WDR59: variants seen among roughly 807,000 people sequenced by gnomAD.
The protein encoded by WDR59 is WD repeat domain 59, also known as GATOR2 complex protein WDR59.
In WDR59, 100 loss-of-function variants were observed where a neutral mutation model predicts 131.2. The ratio of observed to expected loss-of-function variants is 0.76; its 90% CI spans 0.65 to 0.90. The LOEUF (loss-of-function observed/expected upper bound fraction) is 0.90, where lower values mean the gene tolerates loss of function less well. WDR59 is among the 40% of genes least tolerant of loss of function. The pLI is 0.00. For synonymous variants in WDR59, 601 were observed against 466.2 expected (o/e 1.29, Z -3.72); for missense variants, 1,203 against 1,262.2 (o/e 0.95, Z 0.71).
intron 2 of WDR59, among the ~76,000 whole-genome samples, chr16:74,963,516 G>A (rs145534590): frequency 1.1e-3 from 172 of 151,882 alleles, no homozygotes; most frequent in African/African-American, 4.0e-3. Context: ...ACATGTTCTC[G>A]CTTATAAGTG....
chr16:74,920,157 G>C (rs1681537745), intron 10 of WDR59, among the ~76,000 whole-genome samples: 3 of 151,868 alleles, frequency 2.0e-5, no homozygotes, highest in South Asian at 4.2e-4. Flanking sequence ...GTAAAATACA[G>C]ATGGTTCCCA....
chr16:74,973,149 G>A (rs1276548945), intron 1 of WDR59, among the ~76,000 whole-genome samples: 2 of 152,068 alleles, frequency 1.3e-5, no homozygotes, highest in Non-Finnish European at 2.9e-5. Flanking sequence ...ACTAAGGCAG[G>A]AGAATCGCTT....
chr16:74,912,148 T>C (rs1415099534), intron 14 of WDR59, 50 bp downstream of exon 14: 1 of 1,612,326 alleles, frequency 6.2e-7, no homozygotes, highest in Non-Finnish European at 8.5e-7. Flanking sequence ...CTAATCCATC[T>C]AGACAATGAT....
At chr16:74,921,510 T>G (rs973994131) in intron 10 of WDR59, among the ~76,000 whole-genome samples, 2 of 152,160 alleles carry the variant, frequency 1.3e-5, no homozygotes, top group African/African-American at 4.8e-5. Context: ...TTTTTTTTCT[T>G]TTTTGAGACA....
Position 74,921,486 on chromosome 16 carries a change from C to T in WDR59, c.886+461G>A, listed in dbSNP as rs116415847. ...CCCCACTGGACTGAGGAAATCACATCATCTGTTTTCTTTTTTTTTTTCTTT... is the reference window on the plus strand; with the variant it reads ...CCCCACTGGACTGAGGAAATCACATTATCTGTTTTCTTTTTTTTTTTCTTT... On this transcript the variant is annotated intron_variant, in intron 10 of 25. Coordinates refer to ENST00000262144, the MANE Select transcript of WDR59 (RefSeq NM_030581.4). 7.0e-3 allele frequency among the ~76,000 whole-genome samples: 1,061 copies of T among 152,172 alleles called. 19 individuals carry two copies. Among genetic ancestry groups the T allele is most frequent in the African/African-American group, 0.025 (1,017 of 41,486 alleles).
At chr16:74,974,971 G>A (rs1314549639) in intron 1 of WDR59, among the ~76,000 whole-genome samples, 3 of 152,162 alleles carry the variant, frequency 2.0e-5, no homozygotes, top group African/African-American at 7.2e-5. Flanking sequence ...TGTAATGACT[G>A]CAAATATGAC....
intron 18 of WDR59, chr16:74,899,567 A>T: frequency 3.1e-6 from 2 of 640,806 alleles, no homozygotes; most frequent in Non-Finnish European, 2.3e-6. Flanking sequence ...CAAAAAATTG[A>T]CTGTTGCTGG....
At chr16:74,977,186 T>C (rs1180216374) in intron 1 of WDR59, among the ~76,000 whole-genome samples, 2 of 151,660 alleles carry the variant, frequency 1.3e-5, no homozygotes, top group African/African-American at 4.8e-5. Context: ...CAGTGCACCA[T>C]GATCGTGACT....
At chr16:74,883,947 C>T (rs1044545924) in intron 25 of WDR59, among the ~76,000 whole-genome samples, 10 of 152,218 alleles carry the variant, frequency 6.6e-5, no homozygotes, top group Non-Finnish European at 1.5e-4. Flanking sequence ...ACATCACTGA[C>T]TATCCCAACC....
At chr16:74,919,314 T>C (rs957637458) in intron 10 of WDR59, among the ~76,000 whole-genome samples, 7 of 151,870 alleles carry the variant, frequency 4.6e-5, no homozygotes, top group Admixed American at 3.9e-4. Flanking sequence ...AATTTGCTCT[T>C]GGAACACCTT....
At chr16:74,889,550 C>T in intron 21 of WDR59, 153 bp downstream of exon 21, 2 of 620,270 alleles carry the variant, frequency 3.2e-6, no homozygotes, top group Non-Finnish European at 5.7e-6. Context: ...TTGTTCTGCA[C>T]AGAAATTATT....
rs547330227 is a variant in WDR59 at position 74,885,998 on chromosome 16, G to T, written c.2547-203C>A. ...TTGAGACCAGCCTGGCCAACATGGT[G>T]AAACCCTGTCTGTACTAAAAATACA... On this transcript the variant is annotated intron_variant, in intron 24 of 25. Coordinates refer to ENST00000262144, the MANE Select transcript of WDR59 (RefSeq NM_030581.4). 93 of 686,134 alleles carry T rather than the reference G, an allele frequency of 1.4e-4. No individual in the cohort carries two copies. In the African/African-American group the frequency reaches 1.6e-3, roughly 12 times the overall value. The allele number at this position is 686,134 out of a possible 1,614,324, so 42.5% of individuals were successfully genotyped here.
At position 74,962,397 on chromosome 16, in the gene WDR59, T is replaced by C. The variant is rs150168603; in HGVS notation, c.104+3376A>G. On this transcript the variant is annotated intron_variant, in intron 2 of 25. Transcript: ENST00000262144. Reference sequence around the variant, plus strand: ...GGGAGGTATGGCCATTTTCACGATATTGATTCTTCCTATCCATGAGCATGG... The same window carrying C: ...GGGAGGTATGGCCATTTTCACGATACTGATTCTTCCTATCCATGAGCATGG... Among the ~76,000 whole-genome samples, 1,336 of 152,286 alleles carry C rather than the reference T, an allele frequency of 8.8e-3. 11 individuals are homozygous for C. Among genetic ancestry groups the C allele is most frequent in the Non-Finnish European group, 0.012 (826 of 67,994 alleles).
intron 18 of WDR59, among the ~76,000 whole-genome samples, chr16:74,897,598 A>T (rs1056118034): frequency 6.6e-6 from 1 of 152,186 alleles, no homozygotes; most frequent in Non-Finnish European, 1.5e-5. Context: ...TATTGGATGG[A>T]TAAGAGGTGC....
chr16:74,970,433 T>C (rs1187226204), intron 1 of WDR59, among the ~76,000 whole-genome samples: 1 of 144,208 alleles, frequency 6.9e-6, no homozygotes, highest in Non-Finnish European at 1.5e-5. Flanking sequence ...GAGGCGGAGC[T>C]TGCAGTGAGC....
intron 2 of WDR59, among the ~76,000 whole-genome samples, chr16:74,961,857 C>A (rs987376865): frequency 2.0e-5 from 3 of 152,168 alleles, no homozygotes; most frequent in Non-Finnish European, 4.4e-5. Flanking sequence ...GTCATAAAAT[C>A]TTTGCCCATG....
intron 10 of WDR59, among the ~76,000 whole-genome samples, chr16:74,918,654 A>G (rs2144983756): frequency 6.6e-6 from 1 of 152,338 alleles, no homozygotes; most frequent in South Asian, 2.1e-4. Flanking sequence ...GTGCTTTATG[A>G]AATAACTTCA....
intron 17 of WDR59, among the ~76,000 whole-genome samples, chr16:74,907,123 T>G (rs1481449544): frequency 7.1e-6 from 1 of 141,602 alleles, no homozygotes; most frequent in Non-Finnish European, 1.6e-5. Context: ...CCAGTTCCCA[T>G]GGGGCCCAGG....
Position 74,956,561 on chromosome 16 carries a change from G to A in WDR59, c.154C>T (p.Arg52Ter), listed in dbSNP as rs201112694. The stretch of plus-strand genomic sequence containing the variant: ...CATTTGCTCTGGCGAGAGATCTTTC[G>A]GTGACCTTCGAAAGGGGCATCTAGA... ...VNLDAPFEGHRKISRQSKWDI... is the reference protein window; with the variant it reads ...VNLDAPFEGH Residue 52 changes from arginine to a stop codon, truncating the protein, a stop_gained, in exon 3 of 26, where the codon CGA becomes TGA. Transcript: ENST00000262144. LOFTEE classifies it high-confidence loss of function. 6 of 1,614,010 alleles carry A rather than the reference G, an allele frequency of 3.7e-6. No homozygotes were observed. The highest frequency in any genetic ancestry group is 3.3e-5 in the Admixed American group (2 of 59,966).
Sources: allele counts gnomAD v4.1 joint callset (sites outside exome capture counted in the v4.1 genomes callset), GRCh38; gene constraint gnomAD v4.1.1; transcripts MANE v1.5; gene names NCBI Gene and HGNC (gene_info 2026-07-23, HGNC 2026-07-21).